SRGAP3: variants seen among roughly 807,000 people sequenced by gnomAD.
The protein encoded by SRGAP3 is SLIT-ROBO Rho GTPase activating protein 3, also known as SLIT-ROBO Rho GTPase-activating protein 3.
SRGAP3 carries 39 observed loss-of-function variants against 121.1 expected under a neutral mutation model. The observed-to-expected ratio is 0.32, with a 90% confidence interval of 0.25 to 0.42. The LOEUF (loss-of-function observed/expected upper bound fraction) is 0.42. Ranked by LOEUF, SRGAP3 falls within the 10% of genes least tolerant of loss-of-function variation. The pLI is 1.00. For synonymous variants in SRGAP3, 601 were observed against 570.0 expected, an observed-to-expected ratio of 1.05 and a Z score of -0.77; for missense variants, 1,213 against 1,470.6, an observed-to-expected ratio of 0.82 and a Z score of 2.86.
At chr3:9,082,470 T>C (rs547019141) in intron 3 of SRGAP3, among the ~76,000 whole-genome samples, 23 of 152,350 alleles carry the variant, frequency 1.5e-4, no homozygotes, top group African/African-American at 5.0e-4. Context: ...AATCTGTCAG[T>C]GTCTTGCTCT....
intron 1 of SRGAP3, among the ~76,000 whole-genome samples, chr3:9,235,085 A>C (rs1171808276): frequency 6.6e-6 from 1 of 152,212 alleles, no homozygotes; most frequent in Non-Finnish European, 1.5e-5. Context: ...GAAGTGACCA[A>C]CACAAGCCAG....
rs1241771223 is a variant in SRGAP3 at position 9,060,410 on chromosome 3, G to C, written c.673-51C>G. 1.6e-5 allele frequency: 24 copies of C among 1,536,168 alleles called. No homozygotes were observed. In the East Asian group the frequency reaches 5.6e-4, roughly 36 times the overall value. ...AGAGCAAGCCATTTAAGAGGACGGG[G>C]TTTGTGATTTTCTATTCCTTTTTTT... On this transcript the variant is annotated intron_variant, in intron 5 of 21. Transcript: ENST00000383836.
intron 3 of SRGAP3, among the ~76,000 whole-genome samples, chr3:9,082,373 G>T (rs1052189573): frequency 6.6e-6 from 1 of 152,166 alleles, no homozygotes; most frequent in African/African-American, 2.4e-5. Context: ...AGAGACCCAA[G>T]ACAGCTACCT....
chr3:9,058,101 ACTC>A (rs1945919133), intron 7 of SRGAP3, 147 bp downstream of exon 7: 2 of 814,936 alleles, frequency 2.5e-6, no homozygotes, highest in Non-Finnish European at 4.1e-6. Context: ...TTAGTGGTAA[ACTC>A]CTCAGCTGGG....
intron 18 of SRGAP3, among the ~76,000 whole-genome samples, chr3:8,995,803 A>C (rs973348189): frequency 6.6e-6 from 1 of 152,204 alleles, no homozygotes; most frequent in African/African-American, 2.4e-5. Context: ...ATAGGTATTA[A>C]TGTTTTAATA....
chr3:9,010,074 T>C (rs1943286377), intron 18 of SRGAP3, among the ~76,000 whole-genome samples: 1 of 152,200 alleles, frequency 6.6e-6, no homozygotes, highest in African/African-American at 2.4e-5. Flanking sequence ...GGGCTAGGTG[T>C]GGGGTGTCGT....
At chr3:9,155,104 A>C (rs935021076) in intron 1 of SRGAP3, among the ~76,000 whole-genome samples, 1 of 151,596 alleles carries the variant, frequency 6.6e-6, no homozygotes, top group Admixed American at 6.6e-5. Flanking sequence ...GGTGTGTATT[A>C]AAGTGTCTTC....
chr3:9,176,315 T>C (rs886855246), intron 1 of SRGAP3, among the ~76,000 whole-genome samples: 1 of 152,212 alleles, frequency 6.6e-6, no homozygotes, highest in Non-Finnish European at 1.5e-5. Context: ...TGAGATGGCA[T>C]GAAAATGCAT....
intron 12 of SRGAP3, among the ~76,000 whole-genome samples, chr3:9,027,906 C>T (rs1441110040): frequency 2.0e-5 from 3 of 152,178 alleles, no homozygotes; most frequent in African/African-American, 7.2e-5. Context: ...CTTGTGAAGA[C>T]AGCATGGATT....
At chr3:9,044,025 C>G (rs1194668544) in intron 10 of SRGAP3, among the ~76,000 whole-genome samples, 3 of 152,168 alleles carry the variant, frequency 2.0e-5, no homozygotes, top group Admixed American at 2.0e-4. Context: ...GGTATGTGCT[C>G]TTGCTCCCGA....
At chr3:9,094,416 C>A (rs1947884886) in intron 3 of SRGAP3, among the ~76,000 whole-genome samples, 1 of 152,214 alleles carries the variant, frequency 6.6e-6, no homozygotes, top group Admixed American at 6.5e-5. Context: ...ATTAGAAACA[C>A]CACTGCAGCA....
intron 3 of SRGAP3, among the ~76,000 whole-genome samples, chr3:9,306,290 T>A (rs927785956): frequency 6.6e-6 from 1 of 152,222 alleles, no homozygotes; most frequent in African/African-American, 2.4e-5. Flanking sequence ...TTTGTTTAAG[T>A]TCTTTGTAGA....
chr3:9,332,108 T>C (rs976640743), intron 1 of SRGAP3, among the ~76,000 whole-genome samples: 1 of 140,648 alleles, frequency 7.1e-6, no homozygotes, highest in African/African-American at 2.5e-5. Flanking sequence ...ACAAGCCCTT[T>C]CATTGAGGTT....
intron 20 of SRGAP3, chr3:8,992,652 AT>A (rs1686322439): frequency 6.9e-6 from 4 of 582,148 alleles, no homozygotes. Flanking sequence ...CATTATTATT[AT>A]TTTAAATAAA....
chr3:9,182,200 A>C (rs1301512855), intron 1 of SRGAP3, among the ~76,000 whole-genome samples: 57 of 146,392 alleles, frequency 3.9e-4, no homozygotes, highest in Admixed American at 1.4e-3. Flanking sequence ...AAAAAAAAAA[A>C]ACACAAAAAA....
intron 1 of SRGAP3, among the ~76,000 whole-genome samples, chr3:9,185,595 G>C (rs989470634): frequency 6.6e-6 from 1 of 151,874 alleles, no homozygotes; most frequent in Non-Finnish European, 1.5e-5. Flanking sequence ...GCAGTGGCAA[G>C]ATTATAGCAC....
chr3:9,293,647 AAAC>A lies in SRGAP3; in HGVS notation n.442+32360_442+32362del, dbSNP rs944569976. Among the ~76,000 whole-genome samples the A allele has an allele frequency of 7.5e-4, 115 of 152,326 alleles. 1 individual carries two copies. The highest frequency in any genetic ancestry group is 6.7e-3 in the Admixed American group (102 of 15,298). On this transcript the variant is annotated intron_variant and non_coding_transcript_variant, in intron 3 of 3. Coordinates refer to the SRGAP3 transcript ENST00000490889. ...ACGTAACAAATTTACAAGAAAAAAC[AAAC>A]AACCCCATTAAAAAGTGGGCAAAGG...
intron 1 of SRGAP3, among the ~76,000 whole-genome samples, chr3:9,215,969 A>G (rs1329364144): frequency 1.3e-5 from 2 of 152,172 alleles, no homozygotes; most frequent in African/African-American, 4.8e-5. Context: ...ATGTGAGCCA[A>G]TCCCCCTAAT....
intron 1 of SRGAP3, among the ~76,000 whole-genome samples, chr3:9,342,980 GTCCGGGCCCAC>G (rs543710142): frequency 6.6e-6 from 1 of 152,374 alleles, no homozygotes; most frequent in African/African-American, 2.4e-5. Flanking sequence ...ATTCTGGGCT[GTCCGGGCCCAC>G]CATGCCTCTT....
Sources: allele counts gnomAD v4.1 joint callset (sites outside exome capture counted in the v4.1 genomes callset), GRCh38; gene constraint gnomAD v4.1.1; transcripts MANE v1.5; gene names NCBI Gene and HGNC (gene_info 2026-07-23, HGNC 2026-07-21).